The following SV2B variants were observed in gnomAD, a reference collection of about 807,000 sequenced individuals.
SV2B encodes the protein solute carrier family 22 member B2.
SV2B carries 41 observed loss-of-function variants against 73.9 expected under a neutral mutation model. That is an observed-to-expected ratio of 0.56 (90% CI 0.43 to 0.72). The LOEUF is 0.72. Ranked by LOEUF, SV2B falls within the 30% of genes least tolerant of loss-of-function variation. The pLI is 0.00. For missense variants in SV2B, 764 were observed against 857.8 expected, an observed-to-expected ratio of 0.89 and a Z score of 1.37; for synonymous variants, 314 against 314.2, an observed-to-expected ratio of 1.00 and a Z score of 0.01.
In SV2B at chr15:91,245,673, C is replaced by T. The variant is rs2047194349; in HGVS notation, c.452-6146C>T. Among the ~76,000 whole-genome samples the T allele has an allele frequency of 6.6e-6, 1 of 152,142 alleles. No homozygotes were observed. Among genetic ancestry groups the T allele is most frequent in the Admixed American group, 6.5e-5 (1 of 15,286 alleles). ...TCCTCAAGCAAAATCAACATGGTCC[C>T]TTCGTCCAGGAGTTTACAGTCACAG... On this transcript the variant is annotated intron_variant, in intron 2 of 12. Coordinates refer to ENST00000394232, the MANE Select transcript of SV2B (RefSeq NM_001323032.3). This position sits in a 1 kb window ranked among gnomAD's most constrained non-coding sequence, Gnocchi z 4.2.
intron 1 of SV2B, among the ~76,000 whole-genome samples, chr15:91,208,072 A>C (rs752049356): frequency 5.3e-5 from 8 of 152,200 alleles, no homozygotes; most frequent in Admixed American, 1.3e-4. Flanking sequence ...CTGTTTTCTC[A>C]ATTTCCAAGG....
chr15:91,301,691 C>T lies in SV2B; in HGVS notation c.*9139C>T, dbSNP rs1370220051. The stretch of plus-strand genomic sequence containing the variant: ...GCCAAATAGCTACAGACTGAGTATT[C>T]CTTATCCCAAATGTTTGGGACCAGA... On this transcript the variant is annotated 3_prime_UTR_variant, in exon 13 of 13. Coordinates refer to ENST00000394232, the MANE Select transcript of SV2B (RefSeq NM_001323032.3). This position sits in a 1 kb window ranked among gnomAD's most constrained non-coding sequence, Gnocchi z 4.3. Among the ~76,000 whole-genome samples the T allele has an allele frequency of 2.0e-5, 3 of 152,158 alleles. No individual in the cohort carries two copies. The highest frequency in any genetic ancestry group is 7.2e-5 in the African/African-American group (3 of 41,422).
At chr15:91,169,054 C>T (rs1311375499) in intron 1 of SV2B, among the ~76,000 whole-genome samples, 2 of 152,106 alleles carry the variant, frequency 1.3e-5, no homozygotes, top group East Asian at 3.8e-4. Context: ...ATTTATTACT[C>T]ATTTGATGTC....
intron 1 of SV2B, among the ~76,000 whole-genome samples, chr15:91,171,046 A>G (rs977807468): frequency 6.6e-6 from 1 of 152,176 alleles, no homozygotes; most frequent in Non-Finnish European, 1.5e-5. Flanking sequence ...CGGCTCAGAG[A>G]GGTGAAGTCT....
At chr15:91,146,752 A>T (rs1226574166) in intron 1 of SV2B, among the ~76,000 whole-genome samples, 1 of 152,062 alleles carries the variant, frequency 6.6e-6, no homozygotes, top group African/African-American at 2.4e-5. Context: ...TCATCCACAG[A>T]CTCCCTCTGG....
rs2048175473 is a variant in SV2B at position 91,268,330 on chromosome 15, A to T, written c.1209-111A>T. 2.7e-6 allele frequency: 3 copies of T among 1,119,592 alleles called. No homozygotes were observed. The East Asian group carries it at 7.6e-5, about 29-fold the overall frequency. The allele number at this position is 1,119,592 out of a possible 1,614,324, so 69.4% of individuals were successfully genotyped here. A position where few individuals can be genotyped will look rare whatever the true frequency, so the allele number is the denominator to read the frequency against. ...TTGTCAGATTTTCTAATAATGAACC[A>T]AATTAATGTATTTTCAATGAGTTTG... On this transcript the variant is annotated intron_variant, in intron 8 of 12. Coordinates refer to ENST00000394232, the MANE Select transcript of SV2B (RefSeq NM_001323032.3). The surrounding 1 kb of genome is among the most constrained non-coding windows in gnomAD (Gnocchi z 4.4).
In SV2B at chr15:91,301,444, T is replaced by G. The variant is rs2049441607; in HGVS notation, c.*8892T>G. On this transcript the variant is annotated 3_prime_UTR_variant, in exon 13 of 13. Coordinates refer to ENST00000394232, the MANE Select transcript of SV2B (RefSeq NM_001323032.3). The surrounding 1 kb of genome is among the most constrained non-coding windows in gnomAD (Gnocchi z 4.3). ...TTTGTTCTTTGGTATATTAAAATAG[T>G]AGTAACAGTTGATCTGGTGATTGGT... The G allele has an allele frequency of 6.6e-6, 1 of 152,204 alleles. No individual in the cohort carries two copies. Among genetic ancestry groups the G allele is most frequent in the Non-Finnish European group, 1.5e-5 (1 of 68,030 alleles). 9.4% of individuals were successfully genotyped at this position (152,204 alleles called of 1,614,324 possible). A position where few individuals can be genotyped will look rare whatever the true frequency, so the allele number is the denominator to read the frequency against.
rs141004908 is a variant in SV2B, at chr15:91,290,363, G to T, written c.1868+683G>T. 6.6e-6 allele frequency among the ~76,000 whole-genome samples: 1 copy of T among 152,212 alleles called. No homozygotes were observed. The highest frequency in any genetic ancestry group is 2.4e-5 in the African/African-American group (1 of 41,448). ...TTGGCGACAGAGGTATTGGGATATA[G>T]ATAACTAAGGAAGAGCACAACGTGT... On this transcript the variant is annotated intron_variant, in intron 12 of 12. Transcript: ENST00000394232. The surrounding 1 kb of genome is among the most constrained non-coding windows in gnomAD (Gnocchi z 4.7).
intron 1 of SV2B, among the ~76,000 whole-genome samples, chr15:91,181,793 A>G: frequency 6.6e-6 from 1 of 151,562 alleles, no homozygotes; most frequent in Non-Finnish European, 1.5e-5. Flanking sequence ...GTCATGGTTG[A>G]ATCTGTATTG....
At chr15:91,225,489 C>A (rs922687059) in intron 1 of SV2B, among the ~76,000 whole-genome samples, 15 of 152,208 alleles carry the variant, frequency 9.9e-5, no homozygotes, top group Admixed American at 9.1e-4. Flanking sequence ...ATCCCTTGAC[C>A]ACTTTATATT....
At chr15:91,161,034 G>A (rs574974522) in intron 1 of SV2B, among the ~76,000 whole-genome samples, 6 of 149,784 alleles carry the variant, frequency 4.0e-5, no homozygotes, top group African/African-American at 1.5e-4. Flanking sequence ...CAAAACATAC[G>A]CTAAATGAAA....
chr15:91,262,786 C>T (rs2047956367), intron 6 of SV2B, among the ~76,000 whole-genome samples: 1 of 152,168 alleles, frequency 6.6e-6, no homozygotes, highest in South Asian at 2.1e-4. Flanking sequence ...GTGAGTCTCC[C>T]GATCTTCCAT....
chr15:91,173,160 T>C (rs2044182103), intron 1 of SV2B, among the ~76,000 whole-genome samples: 1 of 152,050 alleles, frequency 6.6e-6, no homozygotes, highest in Non-Finnish European at 1.5e-5. Context: ...GGGAGGCATA[T>C]AGAGGCCATT....
chr15:91,109,570 G>T (rs983580584), intron 1 of SV2B, among the ~76,000 whole-genome samples: 2 of 152,146 alleles, frequency 1.3e-5, no homozygotes, highest in African/African-American at 4.8e-5. Flanking sequence ...CTGAGTGAGC[G>T]TGATTTGTTT....
At chr15:91,109,492 C>T (rs1009372889) in intron 1 of SV2B, among the ~76,000 whole-genome samples, 4 of 152,208 alleles carry the variant, frequency 2.6e-5, no homozygotes, top group African/African-American at 9.7e-5. Flanking sequence ...GAGAAACCTG[C>T]AAATGAACAC....
At chr15:91,148,317 C>T (rs556780762) in intron 1 of SV2B, among the ~76,000 whole-genome samples, 1 of 152,050 alleles carries the variant, frequency 6.6e-6, no homozygotes, top group Non-Finnish European at 1.5e-5. Flanking sequence ...CATTTTAGAG[C>T]CCCTCTGCCT....
intron 4 of SV2B, among the ~76,000 whole-genome samples, chr15:91,255,330 C>A (rs138104098): frequency 6.6e-6 from 1 of 152,278 alleles, no homozygotes; most frequent in East Asian, 1.9e-4. Context: ...AAGTATTTTA[C>A]CCCAGATGAG....
intron 11 of SV2B, among the ~76,000 whole-genome samples, chr15:91,285,395 C>T (rs2048827139): frequency 6.6e-6 from 1 of 152,164 alleles, no homozygotes; most frequent in Non-Finnish European, 1.5e-5. Context: ...GTCCATAACC[C>T]GTGTCCAGCG....
chr15:91,192,882 G>C (rs1446332173), intron 1 of SV2B, among the ~76,000 whole-genome samples: 1 of 152,218 alleles, frequency 6.6e-6, no homozygotes, highest in African/African-American at 2.4e-5. Flanking sequence ...CTGCTGTGCA[G>C]GCTCCTGAGG....
Sources: allele counts gnomAD v4.1 joint callset (sites outside exome capture counted in the v4.1 genomes callset), GRCh38; gene constraint gnomAD v4.1.1; non-coding constraint Gnocchi (gnomAD v3.1); transcripts MANE v1.5; gene names NCBI Gene and HGNC (gene_info 2026-07-23, HGNC 2026-07-21).